DUS3L: variants seen among roughly 807,000 people sequenced by gnomAD.
The protein encoded by DUS3L is dihydrouridine synthase 3 like.
Under a neutral mutation model 74.6 loss-of-function variants are expected in DUS3L, and 62 were observed. That is an observed-to-expected ratio of 0.83 (90% CI 0.68 to 1.03). The LOEUF is 1.03. DUS3L is among the 50% of genes least tolerant of loss of function. The pLI, the probability that DUS3L is intolerant of heterozygous loss-of-function variation, is 0.00. For synonymous variants in DUS3L, 433 were observed against 395.7 expected (o/e 1.09, Z -1.12); for missense variants, 884 against 924.4 (o/e 0.96, Z 0.57).
rs745928376 is a variant in DUS3L at position 5,789,727 on chromosome 19, G to C, written c.388-8C>G. The C allele has an allele frequency of 1.3e-6, 2 of 1,592,970 alleles. No individual in the cohort carries two copies. Among genetic ancestry groups the C allele is most frequent in the Non-Finnish European group, 1.7e-6 (2 of 1,170,862 alleles). On this transcript the variant is annotated splice_region_variant and splice_polypyrimidine_tract_variant and intron_variant, in intron 2 of 12. Coordinates refer to ENST00000309061, the MANE Select transcript of DUS3L (RefSeq NM_020175.3). Reference sequence around the variant, plus strand: ...ACACTTAGCAGCCGACTCCTGCGAGGAAACAGGGAAGCAGTGAGGGAGGAC... The same window carrying C: ...ACACTTAGCAGCCGACTCCTGCGAGCAAACAGGGAAGCAGTGAGGGAGGAC...
chr19:5,790,909 G>A (rs965475663), intron 1 of DUS3L, 135 bp downstream of exon 1: 1 of 872,416 alleles, frequency 1.1e-6, no homozygotes, highest in Non-Finnish European at 1.8e-6. Flanking sequence ...CCTGCAGGCG[G>A]AAGAACGGCC....
At chr19:5,790,387 G>C (rs1247425912) in intron 1 of DUS3L, 52 bp from the exon 2 acceptor site, 1 of 1,601,722 alleles carries the variant, frequency 6.2e-7, no homozygotes, top group Non-Finnish European at 8.5e-7. Context: ...AATAAACACT[G>C]GGGAAAGGAG....
rs572746847 is a variant in DUS3L at position 5,790,365 on chromosome 19, C to T, written c.99-30G>A. 1.3e-3 allele frequency: 2,053 copies of T among 1,612,958 alleles called. 47 individuals are homozygous for T. In the South Asian group the frequency reaches 0.02, roughly 16 times the overall value. On this transcript the variant is annotated intron_variant, in intron 1 of 12. Coordinates refer to ENST00000309061, the MANE Select transcript of DUS3L (RefSeq NM_020175.3). ...CGACAGAAAGGGAAAGGAAAACCCTCCGAACATAGTCAATAAACACTGGGG... is the reference window on the plus strand; with the variant it reads ...CGACAGAAAGGGAAAGGAAAACCCTTCGAACATAGTCAATAAACACTGGGG...
At position 5,791,045 on chromosome 19, in the gene DUS3L, G is replaced by C; in HGVS notation, c.97C>G (p.Gln33Glu). Residue 33 changes from glutamine (Q) to glutamate (E), a missense_variant and splice_region_variant, in exon 1 of 13, where the codon CAA (glutamine) becomes GAA (glutamate). Coordinates refer to ENST00000309061, the MANE Select transcript of DUS3L (RefSeq NM_020175.3). The part of the protein sequence containing the change: ...LERGVAPIKR[Q>E]YLTTKEQFHQ... ...TTCCCTCCTGCCCCGGCGACTCACTGACGCTTAATGGGCGCCACTCCTCGT... is the reference window on the plus strand; with the variant it reads ...TTCCCTCCTGCCCCGGCGACTCACTCACGCTTAATGGGCGCCACTCCTCGT... 6.3e-7 allele frequency: 1 copy of C among 1,599,424 alleles called. No homozygotes were observed. Among genetic ancestry groups the C allele is most frequent in the Non-Finnish European group, 8.5e-7 (1 of 1,173,428 alleles).
intron 2 of DUS3L, 112 bp downstream of exon 2, chr19:5,789,935 A>G: frequency 3.5e-6 from 5 of 1,440,310 alleles, no homozygotes; most frequent in Non-Finnish European, 4.7e-6. Flanking sequence ...CATCAGAGCA[A>G]GCTCACTGCT....
intron 5 of DUS3L, 88 bp downstream of exon 5, chr19:5,787,936 G>A: frequency 1.9e-6 from 3 of 1,560,848 alleles, no homozygotes; most frequent in East Asian, 4.6e-5. Context: ...GGGGGTCAGG[G>A]AGGCAACCAG....
chr19:5,788,943 A>G (rs1201632783), intron 3 of DUS3L, among the ~76,000 whole-genome samples: 7 of 152,010 alleles, frequency 4.6e-5, no homozygotes, highest in African/African-American at 1.7e-4. Flanking sequence ...CCGACTTCAA[A>G]TGATCTGCCT....
intron 4 of DUS3L, 90 bp from the exon 5 acceptor site, chr19:5,788,266 C>A (rs2056874705): frequency 1.1e-5 from 17 of 1,610,214 alleles, no homozygotes; most frequent in Non-Finnish European, 1.4e-5. Context: ...CCCAGCCCCA[C>A]AATCCAGTAG....
At chr19:5,785,865 C>T (rs1427267732) in intron 10 of DUS3L, 74 bp from the exon 11 acceptor site, 3 of 1,451,068 alleles carry the variant, frequency 2.1e-6, no homozygotes, top group African/African-American at 2.8e-5. Context: ...CTTCCATGGC[C>T]TGGCCTGAGC....
intron 5 of DUS3L, 132 bp from the exon 6 acceptor site, chr19:5,787,837 GGTCT>G (rs757908312): frequency 9.1e-6 from 13 of 1,434,900 alleles, no homozygotes; most frequent in African/African-American, 1.4e-5. Flanking sequence ...AAGGAGCCAA[GGTCT>G]GTCTGCGAGG....
Position 5,789,514 on chromosome 19 carries a change from G to T in DUS3L, c.593C>A (p.Ala198Asp). The T allele has an allele frequency of 6.2e-7, 1 of 1,604,872 alleles. No homozygotes were observed. Residue 198 changes from alanine to aspartate, a missense_variant, in exon 3 of 13, where the codon GCC becomes GAC. Transcript: ENST00000309061. Reference sequence around the variant, plus strand: ...GATGGACGGGGGCTGGGTCCCGCGGGCCGCCAACTCCTCCTGCACCAGGTT... The same window carrying T: ...GATGGACGGGGGCTGGGTCCCGCGGTCCGCCAACTCCTCCTGCACCAGGTT... ...GQNLVQEELA[A>D]RGTQPPSIRN...
intron 8 of DUS3L, 28 bp from the exon 9 acceptor site, chr19:5,786,873 G>GGAGGCAGAGAGTGA: frequency 6.3e-7 from 1 of 1,589,056 alleles, no homozygotes; most frequent in Non-Finnish European, 8.5e-7. Context: ...ACGCAGGGTA[G>GGAGGCAGAGAGTGA]GAGGCAGAGA....
intron 10 of DUS3L, 126 bp downstream of exon 10, chr19:5,786,341 C>G (rs759317951): frequency 2.5e-5 from 22 of 871,046 alleles, no homozygotes; most frequent in Non-Finnish European, 3.8e-5. Flanking sequence ...CTCCTGACAT[C>G]GCTCTCTGCT....
chr19:5,791,033 C>T lies in DUS3L; in HGVS notation c.98+11G>A, dbSNP rs575222134. 7 of 1,589,182 alleles carry T rather than the reference C, an allele frequency of 4.4e-6. No individual in the cohort carries two copies. The highest frequency in any genetic ancestry group is 4.5e-5 in the East Asian group (2 of 43,964). On this transcript the variant is annotated intron_variant, in intron 1 of 12. Coordinates refer to ENST00000309061, the MANE Select transcript of DUS3L (RefSeq NM_020175.3). ...AGGCCCTTCAGCTTCCCTCCTGCCC[C>T]GGCGACTCACTGACGCTTAATGGGC...
chr19:5,788,868 G>T lies in DUS3L; in HGVS notation c.900+339C>A, dbSNP rs1045052064. ...ATTACAGGTGCCCGCCACCAGGCCC[G>T]GCTAATTTTTGTATTTTTAGTAGAG... On this transcript the variant is annotated intron_variant, in intron 3 of 12. Transcript: ENST00000309061. Among the ~76,000 whole-genome samples, 2 of 152,198 alleles carry T rather than the reference G, an allele frequency of 1.3e-5. 1 individual carries two copies. The highest frequency in any genetic ancestry group is 2.9e-5 in the Non-Finnish European group (2 of 67,996).
Position 5,785,443 on chromosome 19 carries a change from C to T in DUS3L, c.1820G>A (p.Gly607Asp). 6.3e-7 allele frequency: 1 copy of T among 1,591,304 alleles called. No homozygotes were observed. The highest frequency in any genetic ancestry group is 8.6e-7 in the Non-Finnish European group (1 of 1,168,558). The change falls in exon 12 of 13, where the codon GGC becomes GAC. Residue 607 changes from glycine to aspartate, a missense_variant. Coordinates refer to ENST00000309061, the MANE Select transcript of DUS3L (RefSeq NM_020175.3). ...RINERPPYYL[G>D]RDYLETLMAS... ...CATCAGCGTCTCCAGGTAGTCGCGG[C>T]CCAGGTAGTAGGGCGGCCGCTCGTT... is the stretch of plus-strand genomic sequence containing the variant.
rs756888061 is a variant in DUS3L at position 5,789,312 on chromosome 19, G to A, written c.795C>T (p.Val265=). The A allele has an allele frequency of 2.5e-6, 4 of 1,604,698 alleles. No homozygotes were observed. The African/African-American group carries it at 5.4e-5, about 22-fold the overall frequency. Residue 265 remains valine (V), a synonymous_variant, in exon 3 of 13, where the codon GTC becomes GTT. Coordinates refer to ENST00000309061, the MANE Select transcript of DUS3L (RefSeq NM_020175.3). ...GGGTGCTAGTGCCCGGCCCTGCGGG[G>A]ACCTGCTGGGCACCACAGTTTTCCT... ...PRQENCGAQQ[V]PAGPGTSTPP... is the part of the protein sequence containing the mutation.
chr19:5,788,468 C>G, intron 3 of DUS3L, 70 bp from the exon 4 acceptor site: 1 of 1,544,646 alleles, frequency 6.5e-7, no homozygotes, highest in Non-Finnish European at 8.8e-7. Flanking sequence ...TGGAGCCTCC[C>G]TTCTACCCAC....
In DUS3L at chr19:5,790,154, C is replaced by A; in HGVS notation, c.280G>T (p.Gly94Trp). The change falls in exon 2 of 13, where the codon GGG becomes TGG. Residue 94 changes from glycine (G) to tryptophan (W), a missense_variant. Transcript: ENST00000309061. Reference sequence around the variant, plus strand: ...CTCTTCTGAGTCTGTAGCTGCTCCCCGGGCTCTGCTGCCTCCTCCGTCTGC... The same window carrying A: ...CTCTTCTGAGTCTGTAGCTGCTCCCAGGGCTCTGCTGCCTCCTCCGTCTGC... ...DGQTEEAAEP[G>W]EQLQTQKRAR... 2 of 1,614,156 alleles carry A rather than the reference C, an allele frequency of 1.2e-6. No homozygotes were observed. Among genetic ancestry groups the A allele is most frequent in the Non-Finnish European group, 1.7e-6 (2 of 1,180,026 alleles).
Sources: gnomAD v4.1 joint callset for allele counts (sites outside exome capture counted in the v4.1 genomes callset) on GRCh38, gnomAD v4.1.1 for gene constraint, MANE v1.5 for transcripts, NCBI Gene and HGNC (gene_info 2026-07-23, HGNC 2026-07-21) for gene names.